Variants in NR4A1 observed in about 807,000 individuals in gnomAD.
The protein encoded by NR4A1 is nuclear receptor subfamily 4 group A member 1.
Under a neutral mutation model 47.5 loss-of-function variants are expected in NR4A1, and 24 were observed. The observed-to-expected ratio is 0.50, with a 90% CI of 0.37 to 0.71. The LOEUF (loss-of-function observed/expected upper bound fraction) is 0.71. NR4A1 is among the 30% of genes least tolerant of loss of function. The pLI, the probability that NR4A1 is intolerant of heterozygous loss-of-function variation, is 0.00. For missense variants in NR4A1, 669 were observed against 788.6 expected (o/e 0.85, Z 1.82); for synonymous variants, 353 against 345.7 (o/e 1.02, Z -0.24).
rs1222028219 is a variant in NR4A1, at chr12:52,052,229, T to C, written c.-3+661T>C. On this transcript the variant is annotated intron_variant, in intron 1 of 6. Coordinates refer to ENST00000394825, the MANE Select transcript of NR4A1 (RefSeq NM_173157.3). ...TCTTGGGGTCGGGGCAGGGTCTCTG[T>C]AAGCACAGGGAGAATTGATTTCGCT... 2.0e-5 allele frequency among the ~76,000 whole-genome samples: 3 copies of C among 151,240 alleles called. No homozygotes were observed. The East Asian group carries it at 5.8e-4, about 29-fold the overall frequency.
intron 1 of NR4A1, among the ~76,000 whole-genome samples, chr12:52,032,405 A>G (rs1430078086): frequency 1.3e-5 from 2 of 152,218 alleles, no homozygotes; most frequent in Non-Finnish European, 2.9e-5. Context: ...CAGCTTGCGG[A>G]GGGCAGATCC....
Position 52,058,820 on chromosome 12 carries a change from A to C in NR4A1, c.1673A>C (p.Lys558Thr). 1 of 1,613,810 alleles carries C rather than the reference A, an allele frequency of 6.2e-7. No homozygotes were observed. The highest frequency in any genetic ancestry group is 8.5e-7 in the Non-Finnish European group (1 of 1,179,962). Reference protein sequence around the residue: ...PASCLSRLLGKLPELRTLCTQ... With the variant: ...PASCLSRLLGTLPELRTLCTQ... ...AGCTGCCTGTCACGTCTGTTGGGCA[A>C]ACTGCCCGAGCTGCGGACCCTGTGC... Residue 558 changes from lysine (K) to threonine (T), a missense_variant, in exon 7 of 7, where the codon AAA (lysine) becomes ACA (threonine). Physicochemically the swap from Lys to Thr is moderately conservative, Grantham distance 78 (BLOSUM62 -1). Transcript: ENST00000394825.
rs2230440 is a variant in NR4A1, at chr12:52,058,822, C to T, written c.1675C>T (p.Leu559=). The T allele has an allele frequency of 7.6e-3, 12,209 of 1,613,796 alleles. 767 individuals are homozygous for T. In the African/African-American group the frequency reaches 0.14, roughly 19 times the overall value. Residue 559 remains leucine, a synonymous_variant, in exon 7 of 7, where the codon CTG becomes TTG. Transcript: ENST00000394825. ...ASCLSRLLGK[L]PELRTLCTQG... ...CTGCCTGTCACGTCTGTTGGGCAAA[C>T]TGCCCGAGCTGCGGACCCTGTGCAC...
intron 1 of NR4A1, among the ~76,000 whole-genome samples, chr12:52,031,189 T>C (rs1436654388): frequency 2.6e-5 from 4 of 151,948 alleles, no homozygotes; most frequent in Non-Finnish European, 5.9e-5. Context: ...ATTTTTTAAT[T>C]ATTATTATTA....
intron 6 of NR4A1, 66 bp from the exon 7 acceptor site, chr12:52,058,621 TG>T (rs1565655731): frequency 1.5e-6 from 2 of 1,360,926 alleles, no homozygotes; most frequent in Non-Finnish European, 1.9e-6. Flanking sequence ...TTTAGGGGCC[TG>T]GGGGAGGCTG....
At chr12:52,023,657 T>C (rs1374510608) in intron 1 of NR4A1, among the ~76,000 whole-genome samples, 11 of 148,402 alleles carry the variant, frequency 7.4e-5, no homozygotes, top group Admixed American at 6.7e-4. Flanking sequence ...GCCGGTGACC[T>C]CCCCTGCGGC....
chr12:52,035,736 T>C (rs2701128), intron 1 of NR4A1, among the ~76,000 whole-genome samples: 49,478 of 152,024 alleles, frequency 0.33, 9,945 homozygotes, highest in African/African-American at 0.53. Flanking sequence ...TTGGAATCAT[T>C]ATGAAGAATG....
In NR4A1 at chr12:52,055,025, T is replaced by G. The variant is rs772674923; in HGVS notation, c.697T>G (p.Leu233Val). ...TTCCATGCCTACGGCCTTCCCAGGT[T>G]TGGCACCCACTTCTCCACACCTTGA... ...SYSMPTAFPGLAPTSPHLEGS... is the reference protein window; with the variant it reads ...SYSMPTAFPGVAPTSPHLEGS... Residue 233 changes from leucine to valine, a missense_variant, in exon 2 of 7, where the codon TTG (leucine) becomes GTG (valine). Coordinates refer to ENST00000394825, the MANE Select transcript of NR4A1 (RefSeq NM_173157.3). 1 of 1,614,216 alleles carries G rather than the reference T, an allele frequency of 6.2e-7. No individual in the cohort carries two copies. Among genetic ancestry groups the G allele is most frequent in the Non-Finnish European group, 8.5e-7 (1 of 1,180,042 alleles).
intron 1 of NR4A1, chr12:52,038,877 C>T: frequency 4.6e-6 from 3 of 648,332 alleles, no homozygotes; most frequent in Non-Finnish European, 8.4e-6. Flanking sequence ...CTCAAAGGCC[C>T]AGGGACCCAG....
In NR4A1 at chr12:52,038,723, A is replaced by G. The variant is rs140702290; in HGVS notation, c.-83-3087A>G. The stretch of plus-strand genomic sequence containing the variant: ...GAGCTGTGAGGAATGACAAGTGCAC[A>G]GTATAAAATCAAGATTCTAATTGAA... On this transcript the variant is annotated intron_variant, in intron 1 of 7. Coordinates refer to the NR4A1 transcript ENST00000360284. 116 of 764,898 alleles carry G rather than the reference A, an allele frequency of 1.5e-4. No homozygotes were observed. The East Asian group carries it at 2.1e-3, about 14-fold the overall frequency. 47.4% of individuals were successfully genotyped at this position (764,898 alleles called of 1,614,324 possible). A position where few individuals can be genotyped will look rare whatever the true frequency, so the allele number is the denominator to read the frequency against.
At chr12:52,027,105 G>A (rs190358100) in intron 1 of NR4A1, among the ~76,000 whole-genome samples, 77 of 152,378 alleles carry the variant, frequency 5.1e-4, no homozygotes, top group Admixed American at 3.8e-3. Context: ...ACTAGGGACT[G>A]AGGGGTGGGC....
chr12:52,048,630 C>T (rs1216883396), upstream of NR4A1, among the ~76,000 whole-genome samples: 1 of 152,164 alleles, frequency 6.6e-6, no homozygotes, highest in Non-Finnish European at 1.5e-5. Flanking sequence ...AGGGAAGGCC[C>T]TGCTGGGGTG....
Position 52,052,623 on chromosome 12 carries a change from T to TC in NR4A1, c.-3+1061dup, listed in dbSNP as rs1163326153. On this transcript the variant is annotated intron_variant, in intron 1 of 6. Coordinates refer to ENST00000394825, the MANE Select transcript of NR4A1 (RefSeq NM_173157.3). Reference sequence around the variant, plus strand: ...CCTCTTCCTCCTCCTGTGGGACTGCTCCCCCCTCCTGTGAGGCTAGATGTA... The same window carrying TC: ...CCTCTTCCTCCTCCTGTGGGACTGCTCCCCCCCTCCTGTGAGGCTAGATGTA... 18 of 985,340 alleles carry TC rather than the reference T, an allele frequency of 1.8e-5. No individual in the cohort carries two copies. In the East Asian group the frequency reaches 8.0e-4, roughly 44 times the overall value. The allele number at this position is 985,340 out of a possible 1,614,324, so 61.0% of individuals were successfully genotyped here.
In NR4A1 at chr12:52,054,323, C is replaced by T. The variant is rs759713655; in HGVS notation, c.-2-4C>T. 10 of 1,600,008 alleles carry T rather than the reference C, an allele frequency of 6.2e-6. No individual in the cohort carries two copies. In the Admixed American group the frequency reaches 1.4e-4, roughly 22 times the overall value. ...TCCCTCCCTGGGGTCTCCTCTCTCT[C>T]CAGAGATGCCCTGTATCCAAGCCCA... On this transcript the variant is annotated splice_polypyrimidine_tract_variant and splice_region_variant and intron_variant, in intron 1 of 6. Transcript: ENST00000394825.
chr12:52,033,108 A>C (rs1938162186), intron 1 of NR4A1, among the ~76,000 whole-genome samples: 1 of 152,156 alleles, frequency 6.6e-6, no homozygotes, highest in African/African-American at 2.4e-5. Flanking sequence ...GAGGTAATGG[A>C]ATCCTGGCTG....
chr12:52,044,076 G>A (rs781567510), intron 2 of NR4A1, among the ~76,000 whole-genome samples: 3 of 152,246 alleles, frequency 2.0e-5, no homozygotes, highest in Non-Finnish European at 4.4e-5. Flanking sequence ...CTGGATGACG[G>A]TAGTTGGACT....
chr12:52,052,468 C>G (rs1802252498), intron 1 of NR4A1: 4 of 985,584 alleles, frequency 4.1e-6, no homozygotes, highest in Middle Eastern at 5.2e-4. Flanking sequence ...ATGCCCCCTC[C>G]CCCAGTAGTC....
At chr12:52,023,880 A>T (rs957382539) in intron 1 of NR4A1, among the ~76,000 whole-genome samples, 22 of 151,938 alleles carry the variant, frequency 1.4e-4, no homozygotes, top group Non-Finnish European at 2.8e-4. Context: ...CTGCCGGCAG[A>T]CTCGGGAACG....
At chr12:52,052,588 T>G (rs996595135) in intron 1 of NR4A1, 22 of 985,590 alleles carry the variant, frequency 2.2e-5, no homozygotes, top group Non-Finnish European at 2.5e-5. Context: ...CACTGCCTCC[T>G]TCAACCCCGC....
Sources: allele counts gnomAD v4.1 joint callset (sites outside exome capture counted in the v4.1 genomes callset), GRCh38; gene constraint gnomAD v4.1.1; transcripts MANE v1.5; gene names NCBI Gene and HGNC (gene_info 2026-07-23, HGNC 2026-07-21).